The following TMEM248 variants were observed in gnomAD, a reference collection of about 807,000 sequenced individuals.
TMEM248 encodes transmembrane protein 248, also known as UPF0458 protein C7orf42.
Under a neutral mutation model 30.3 loss-of-function variants are expected in TMEM248, and 9 were observed. The ratio of observed to expected loss-of-function variants is 0.30; its 90% CI spans 0.18 to 0.52. TMEM248 has a LOEUF of 0.52. Among genes scored for constraint, TMEM248 ranks in the 20% least tolerant of loss-of-function variants. The probability of loss-of-function intolerance (pLI) is 0.97; values close to 1 mark genes in which losing one functional copy is unlikely to be tolerated. For synonymous variants in TMEM248, 184 were observed against 154.4 expected (o/e 1.19, Z -1.42); for missense variants, 338 against 403.3 (o/e 0.84, Z 1.39).
At position 66,955,917 on chromosome 7, in the gene TMEM248, G is replaced by A. The variant is rs933509488; in HGVS notation, c.*395G>A. The A allele has an allele frequency of 5.0e-6, 1 of 200,100 alleles. No individual in the cohort carries two copies. The highest frequency in any genetic ancestry group is 5.8e-5 in the Admixed American group (1 of 17,114). The allele number at this position is 200,100 out of a possible 1,614,324, so 12.4% of individuals were successfully genotyped here. ...TTTGGTTCTTGTTTCAGCCCAATAT[G>A]TAGAGAACATTTGAAACAGTCTGCA... On this transcript the variant is annotated 3_prime_UTR_variant, in exon 7 of 7. Transcript: ENST00000341567.
intron 1 of TMEM248, among the ~76,000 whole-genome samples, chr7:66,928,552 A>G (rs1226096696): frequency 1.3e-5 from 2 of 152,198 alleles, no homozygotes; most frequent in Admixed American, 6.5e-5. Flanking sequence ...TGCAAGGATT[A>G]AAAAATATGT....
intron 1 of TMEM248, chr7:66,930,590 T>A (rs932868935): frequency 2.0e-5 from 3 of 152,274 alleles, no homozygotes; most frequent in Non-Finnish European, 4.4e-5. Flanking sequence ...TCTTCGTTGC[T>A]TCTCACTTGT....
At chr7:66,952,631 T>C (rs1792296755) in intron 5 of TMEM248, among the ~76,000 whole-genome samples, 1 of 152,288 alleles carries the variant, frequency 6.6e-6, no homozygotes, top group South Asian at 2.1e-4. Context: ...ATGTCTGGGG[T>C]CCCTTTAGTA....
intron 3 of TMEM248, among the ~76,000 whole-genome samples, chr7:66,945,940 C>T (rs533429975): frequency 2.0e-5 from 3 of 152,204 alleles, no homozygotes; most frequent in African/African-American, 7.2e-5. Context: ...AAAAATTAGC[C>T]GGGCGTGGTG....
chr7:66,941,950 G>A lies in TMEM248; in HGVS notation c.85G>A (p.Ala29Thr), dbSNP rs546264569. ...PLVVFMISVS[A>T]MAIAFLTLGY... The stretch of plus-strand genomic sequence containing the variant: ...GGTGGTCTTCATGATCAGCGTAAGC[G>A]CCATGGCCATAGCTTTCCTGACCCT... Residue 29 changes from alanine (A) to threonine (T), a missense_variant, in exon 2 of 7, where the codon GCC becomes ACC. Transcript: ENST00000341567. 3.1e-6 allele frequency: 5 copies of A among 1,614,126 alleles called. No homozygotes were observed. The highest frequency in any genetic ancestry group is 1.3e-5 in the African/African-American group (1 of 75,022).
chr7:66,945,372 CGT>C (rs1792071843), intron 3 of TMEM248, 111 bp downstream of exon 3: 13 of 1,236,818 alleles, frequency 1.1e-5, no homozygotes, highest in South Asian at 2.9e-5. Flanking sequence ...TAGTCTTGCG[CGT>C]GTCTTTTTTT....
Position 66,948,409 on chromosome 7 carries a change from T to G in TMEM248, c.446-135T>G. The G allele has an allele frequency of 3.7e-6, 4 of 1,084,378 alleles. No homozygotes were observed. In the South Asian group the frequency reaches 6.1e-5, roughly 17 times the overall value. The allele number at this position is 1,084,378 out of a possible 1,614,324, so 67.2% of individuals were successfully genotyped here. Reference sequence around the variant, plus strand: ...TCAGGGTCAGGACTGCTCTTCTTCCTCAGATCCCACAAAGGCAGGTGCCTG... The same window carrying G: ...TCAGGGTCAGGACTGCTCTTCTTCCGCAGATCCCACAAAGGCAGGTGCCTG... On this transcript the variant is annotated intron_variant, in intron 3 of 6. Transcript: ENST00000341567.
intron 1 of TMEM248, among the ~76,000 whole-genome samples, chr7:66,924,657 G>A (rs990670282): frequency 4.0e-5 from 6 of 151,882 alleles, no homozygotes; most frequent in African/African-American, 9.7e-5. Context: ...CGCCCACTGC[G>A]GCCTCCCAAA....
chr7:66,944,913 A>G, intron 2 of TMEM248, 63 bp from the exon 3 acceptor site: 1 of 1,566,162 alleles, frequency 6.4e-7, no homozygotes, highest in South Asian at 1.2e-5. Context: ...TCTTACCTGT[A>G]TTCCCGCAGT....
chr7:66,933,212 C>T (rs111383434), intron 1 of TMEM248, among the ~76,000 whole-genome samples: 234 of 152,286 alleles, frequency 1.5e-3, no homozygotes, highest in Non-Finnish European at 2.7e-3. Flanking sequence ...GTTGCTCAGG[C>T]TAGAGTGCAG....
intron 4 of TMEM248, among the ~76,000 whole-genome samples, chr7:66,949,119 A>G (rs1167938505): frequency 6.6e-6 from 1 of 151,244 alleles, no homozygotes. Flanking sequence ...TGGACAACAT[A>G]TAGGGAGACC....
intron 2 of TMEM248, among the ~76,000 whole-genome samples, chr7:66,942,715 C>G (rs928358926): frequency 6.6e-6 from 1 of 152,062 alleles, no homozygotes; most frequent in Non-Finnish European, 1.5e-5. Flanking sequence ...AGGCTGGTCT[C>G]GAACTCCTGA....
chr7:66,958,262 T>G lies in TMEM248; in HGVS notation c.*2740T>G, dbSNP rs1792447394. On this transcript the variant is annotated 3_prime_UTR_variant, in exon 7 of 7. Transcript: ENST00000341567. ...TATTGATCTCTTTCCTTTTTCCTTT[T>G]GTCCTTTCACTGTATGACTTGAATC... The G allele has an allele frequency of 6.5e-6, 1 of 152,704 alleles. No homozygotes were observed. The highest frequency in any genetic ancestry group is 6.5e-5 in the Admixed American group (1 of 15,282). The allele number at this position is 152,704 out of a possible 1,614,324, so 9.5% of individuals were successfully genotyped here.
rs201213273 is a variant in TMEM248 at position 66,939,030 on chromosome 7, C to T, written c.-18-2818C>T. On this transcript the variant is annotated intron_variant, in intron 1 of 6. Transcript: ENST00000341567. ...GGGCCTAAATGGCTGATTAAAAAAG[C>T]GGAAAGATGCTTTGTTTCAGGGAGA... Among the ~76,000 whole-genome samples, 35 of 152,220 alleles carry T rather than the reference C, an allele frequency of 2.3e-4. No individual in the cohort carries two copies. The East Asian group carries it at 3.5e-3, about 15-fold the overall frequency.
At chr7:66,948,139 AGGGG>A (rs1792160999) in intron 3 of TMEM248, among the ~76,000 whole-genome samples, 1 of 152,212 alleles carries the variant, frequency 6.6e-6, no homozygotes, top group South Asian at 2.1e-4. Context: ...CATATGTAAA[AGGGG>A]AACAGCTGCA....
intron 1 of TMEM248, among the ~76,000 whole-genome samples, chr7:66,927,586 GA>G (rs1180237712): frequency 6.6e-6 from 1 of 150,546 alleles, no homozygotes; most frequent in African/African-American, 2.4e-5. Flanking sequence ...GACTATAGGT[GA>G]AACCATGCCC....
chr7:66,953,121 G>A (rs1792312144), intron 5 of TMEM248, 105 bp from the exon 6 acceptor site: 1 of 1,292,420 alleles, frequency 7.7e-7, no homozygotes. Context: ...AAGAAAAGTT[G>A]TGGCAAGTCT....
Position 66,957,441 on chromosome 7 carries a change from A to ATG in TMEM248, c.*1920_*1921dup, listed in dbSNP as rs1181162098. ...GTACTTGTCTATCCAGTTTCTATGT[A>ATG]TGATACGAGTTGCTTACACGATGCA... On this transcript the variant is annotated 3_prime_UTR_variant, in exon 7 of 7. Transcript: ENST00000341567. The ATG allele has an allele frequency of 6.6e-6, 1 of 152,210 alleles. No homozygotes were observed. Among genetic ancestry groups the ATG allele is most frequent in the Non-Finnish European group, 1.5e-5 (1 of 68,036 alleles). 9.4% of individuals were successfully genotyped at this position (152,210 alleles called of 1,614,324 possible). A position where few individuals can be genotyped will look rare whatever the true frequency, so the allele number is the denominator to read the frequency against.
At chr7:66,930,950 C>T (rs1791647374) in intron 1 of TMEM248, 1 of 152,604 alleles carries the variant, frequency 6.6e-6, no homozygotes, top group African/African-American at 2.4e-5. Context: ...CTTCTCCCAT[C>T]CTCTCTTCCT....
Sources: gnomAD v4.1 joint callset for allele counts (sites outside exome capture counted in the v4.1 genomes callset) on GRCh38, gnomAD v4.1.1 for gene constraint, MANE v1.5 for transcripts, NCBI Gene and HGNC (gene_info 2026-07-23, HGNC 2026-07-21) for gene names.